STXBP5: variants seen among roughly 807,000 people sequenced by gnomAD.
STXBP5 encodes the protein syntaxin binding protein 5, also known as syntaxin-binding protein 5.
In STXBP5, 50 loss-of-function variants were observed where a neutral mutation model predicts 152.4. The ratio of observed to expected loss-of-function variants is 0.33; its 90% confidence interval spans 0.26 to 0.42. The LOEUF is 0.42. Among genes scored for constraint, STXBP5 ranks in the 10% least tolerant of loss-of-function variants. The pLI is 1.00. For synonymous variants in STXBP5, 492 were observed against 494.7 expected (o/e 0.99, Z 0.07); for missense variants, 1,167 against 1,388.6 (o/e 0.84, Z 2.54).
At chr6:147,346,668 C>T (rs552678346) in intron 21 of STXBP5, among the ~76,000 whole-genome samples, 6 of 151,588 alleles carry the variant, frequency 4.0e-5, no homozygotes, top group South Asian at 2.1e-4. Flanking sequence ...CGAACCCAGG[C>T]GGCGGAGGTT....
intron 2 of STXBP5, among the ~76,000 whole-genome samples, chr6:147,215,621 A>G (rs1164848968): frequency 6.6e-6 from 1 of 152,168 alleles, no homozygotes; most frequent in South Asian, 2.1e-4. Context: ...AGCTCAAACC[A>G]TCCGCCCACC....
intron 2 of STXBP5, among the ~76,000 whole-genome samples, chr6:147,209,924 TAAG>T (rs536059345): frequency 2.6e-3 from 395 of 152,210 alleles, no homozygotes; most frequent in African/African-American, 8.2e-3. Context: ...GCAGGAGAAA[TAAG>T]GAGGCTGTTG....
Position 147,291,171 on chromosome 6 carries a change from G to C in STXBP5, c.916G>C (p.Gly306Arg). 2 of 1,611,358 alleles carry C rather than the reference G, an allele frequency of 1.2e-6. No homozygotes were observed. Among genetic ancestry groups the C allele is most frequent in the South Asian group, 2.2e-5 (2 of 90,668 alleles). ...LKVEFKTTRSGEPFIILSGGL... is the reference protein window; with the variant it reads ...LKVEFKTTRSREPFIILSGGL... ...GGTGGAATTCAAAACGACTAGATCTGGGTAAGATTTTACTTCATTGCCAAT... is the reference window on the plus strand; with the variant it reads ...GGTGGAATTCAAAACGACTAGATCTCGGTAAGATTTTACTTCATTGCCAAT... The change falls in exon 9 of 28, where the codon GGG (glycine) becomes CGG (arginine). Residue 306 changes from glycine to arginine, a missense_variant and splice_region_variant. Transcript: ENST00000321680.
intron 13 of STXBP5, 70 bp from the exon 14 acceptor site, chr6:147,314,526 T>C (rs939205278): frequency 6.6e-7 from 1 of 1,512,276 alleles, no homozygotes; most frequent in Non-Finnish European, 9.0e-7. Flanking sequence ...GACTTTTTAA[T>C]AGCAGTACCC....
At chr6:147,351,154 C>A (rs1784572633) in intron 21 of STXBP5, among the ~76,000 whole-genome samples, 1 of 152,280 alleles carries the variant, frequency 6.6e-6, no homozygotes, top group South Asian at 2.1e-4. Context: ...GTCCACAGAC[C>A]AGCAGCATCA....
chr6:147,359,205 G>C lies in STXBP5; in HGVS notation c.2427G>C (p.Ser809=), dbSNP rs140041826. Residue 809 remains serine, a synonymous_variant, in exon 23 of 28, where the codon TCG becomes TCC. Coordinates refer to ENST00000321680, the MANE Select transcript of STXBP5 (RefSeq NM_001127715.4). The part of the protein sequence containing the change: ...FCETFTRKTD[S]SPSPCLWVGT... ...AAACGTTTACTCGAAAGACGGACTC[G>C]TCCCCTTCCCCTTGTCTATGGGTTG... 6.2e-7 allele frequency: 1 copy of C among 1,613,884 alleles called. No homozygotes were observed. The highest frequency in any genetic ancestry group is 1.1e-5 in the South Asian group (1 of 91,082).
chr6:147,264,377 G>A (rs969905547), intron 6 of STXBP5, among the ~76,000 whole-genome samples: 8 of 151,966 alleles, frequency 5.3e-5, no homozygotes, highest in African/African-American at 1.9e-4. Flanking sequence ...TTATATACAC[G>A]ATTTCATTTG....
intron 7 of STXBP5, among the ~76,000 whole-genome samples, chr6:147,275,972 A>G (rs1780425041): frequency 6.6e-6 from 1 of 152,180 alleles, no homozygotes; most frequent in Non-Finnish European, 1.5e-5. Context: ...CCTACATTAT[A>G]TCTCATATCT....
intron 9 of STXBP5, among the ~76,000 whole-genome samples, chr6:147,295,005 T>G (rs1486607874): frequency 6.6e-6 from 1 of 152,214 alleles, no homozygotes; most frequent in Non-Finnish European, 1.5e-5. Context: ...CTAACTGTAT[T>G]ATCTTTGGTA....
At chr6:147,214,444 G>A (rs1300267421) in intron 2 of STXBP5, among the ~76,000 whole-genome samples, 1 of 152,154 alleles carries the variant, frequency 6.6e-6, no homozygotes, top group African/African-American at 2.4e-5. Flanking sequence ...GGTAAGAATT[G>A]TTGACATAGT....
Position 147,204,441 on chromosome 6 carries a change from G to T in STXBP5, c.-92G>T, listed in dbSNP as rs1016554202. On this transcript the variant is annotated 5_prime_UTR_variant, in exon 1 of 28. Transcript: ENST00000321680. The surrounding 1 kb of genome is among the most constrained non-coding windows in gnomAD (Gnocchi z 4.3). ...CACACTCCCACTCCTCCGTTTCCGCGGTCGAAGCTGCCTTCGGCCCCGGGT... is the reference window on the plus strand; with the variant it reads ...CACACTCCCACTCCTCCGTTTCCGCTGTCGAAGCTGCCTTCGGCCCCGGGT... 45 of 1,294,358 alleles carry T rather than the reference G, an allele frequency of 3.5e-5. No individual in the cohort carries two copies. In the Admixed American group the frequency reaches 7.2e-4, roughly 21 times the overall value. 80.2% of individuals were successfully genotyped at this position (1,294,358 alleles called of 1,614,324 possible). A position where few individuals can be genotyped will look rare whatever the true frequency, so the allele number is the denominator to read the frequency against.
intron 19 of STXBP5, among the ~76,000 whole-genome samples, chr6:147,337,565 TC>T (rs1783892760): frequency 6.6e-6 from 1 of 152,054 alleles, no homozygotes; most frequent in South Asian, 2.1e-4. Flanking sequence ...GAAATATTTT[TC>T]TGATTTTATT....
At chr6:147,305,597 AT>A (rs1465682205) in intron 9 of STXBP5, among the ~76,000 whole-genome samples, 1 of 152,214 alleles carries the variant, frequency 6.6e-6, no homozygotes, top group Non-Finnish European at 1.5e-5. Flanking sequence ...GTGAAAAATA[AT>A]TTAATACCAA....
intron 9 of STXBP5, chr6:147,292,631 CAGGA>C (rs1781337681): frequency 6.6e-6 from 1 of 150,580 alleles, no homozygotes; most frequent in Non-Finnish European, 1.5e-5. Flanking sequence ...GAAAGAAAAA[CAGGA>C]AGAAAATCTG....
chr6:147,375,730 A>T (rs1265034476), intron 26 of STXBP5, among the ~76,000 whole-genome samples: 6 of 151,830 alleles, frequency 4.0e-5, no homozygotes, highest in Middle Eastern at 3.4e-3. Context: ...GTTTTTAAAA[A>T]TTTTCAATTA....
At chr6:147,347,668 C>CT (rs1472877375) in intron 21 of STXBP5, among the ~76,000 whole-genome samples, 1 of 152,176 alleles carries the variant, frequency 6.6e-6, no homozygotes, top group Non-Finnish European at 1.5e-5. Context: ...TATTTACTGT[C>CT]TAATAGTTAC....
rs757391595 is a variant in STXBP5 at position 147,314,649 on chromosome 6, A to T, written c.1402+13A>T. The T allele has an allele frequency of 6.3e-7, 1 of 1,598,842 alleles. No homozygotes were observed. Among genetic ancestry groups the T allele is most frequent in the Non-Finnish European group, 8.5e-7 (1 of 1,171,458 alleles). ...GATGCTTCTGCAAGTAAGTATTTTT[A>T]ATATTCATTATTTGTTATATGTTAT... On this transcript the variant is annotated intron_variant, in intron 14 of 27. Coordinates refer to ENST00000321680, the MANE Select transcript of STXBP5 (RefSeq NM_001127715.4).
At position 147,334,231 on chromosome 6, in the gene STXBP5, G is replaced by A; in HGVS notation, c.2146+9G>A. Reference sequence around the variant, plus strand: ...CAAATCTCCAACCTCTGGTAATTTGGTTTTTTTTTATTTCATTAATAATTA... The same window carrying A: ...CAAATCTCCAACCTCTGGTAATTTGATTTTTTTTTATTTCATTAATAATTA... On this transcript the variant is annotated intron_variant, in intron 19 of 27. Transcript: ENST00000321680. 6.3e-7 allele frequency: 1 copy of A among 1,598,550 alleles called. No individual in the cohort carries two copies. The highest frequency in any genetic ancestry group is 8.5e-7 in the Non-Finnish European group (1 of 1,171,024).
At chr6:147,219,290 A>C (rs1777337985) in intron 2 of STXBP5, among the ~76,000 whole-genome samples, 1 of 152,132 alleles carries the variant, frequency 6.6e-6, no homozygotes, top group Non-Finnish European at 1.5e-5. Flanking sequence ...ATGCTGTGTG[A>C]TTCTTTTTAT....
Sources: gnomAD v4.1 joint callset for allele counts (sites outside exome capture counted in the v4.1 genomes callset) on GRCh38, gnomAD v4.1.1 for gene constraint, Gnocchi (gnomAD v3.1) non-coding constraint, MANE v1.5 for transcripts, NCBI Gene and HGNC (gene_info 2026-07-23, HGNC 2026-07-21) for gene names.